TMEM178B: variants seen among roughly 807,000 people sequenced by gnomAD.
The protein encoded by TMEM178B is transmembrane protein 178B.
TMEM178B carries 5 observed loss-of-function variants against 31.0 expected under a neutral mutation model. The observed-to-expected ratio is 0.16, with a 90% confidence interval of 0.08 to 0.34. The LOEUF (loss-of-function observed/expected upper bound fraction) is 0.34, where lower values mean the gene tolerates loss of function less well. Ranked by LOEUF, TMEM178B falls within the 10% of genes least tolerant of loss-of-function variation. TMEM178B has a pLI of 1.00. For synonymous variants in TMEM178B, 164 were observed against 164.0 expected (o/e 1.00, Z 0.00); for missense variants, 275 against 400.3 (o/e 0.69, Z 2.67).
At position 141,375,257 on chromosome 7, in the gene TMEM178B, A is replaced by G. The variant is rs78238274; in HGVS notation, c.497-62351A>G. Among the ~76,000 whole-genome samples, 57 of 152,308 alleles carry G rather than the reference A, an allele frequency of 3.7e-4. No individual in the cohort carries two copies. The East Asian group carries it at 0.01, about 27-fold the overall frequency. On this transcript the variant is annotated intron_variant, in intron 2 of 3. Coordinates refer to ENST00000565468, the MANE Select transcript of TMEM178B (RefSeq NM_001195278.2). ...TATAAACTTGATGGACTCTGACACA[A>G]TGGAAAGGTTTCAGTGTGGTCCATG...
At chr7:141,335,760 C>G (rs994608070) in intron 2 of TMEM178B, among the ~76,000 whole-genome samples, 1 of 152,098 alleles carries the variant, frequency 6.6e-6, no homozygotes, top group African/African-American at 2.4e-5. Flanking sequence ...GGTTGGCATT[C>G]CAGGTGAGAA....
At chr7:141,254,678 G>A (rs527712053) in intron 2 of TMEM178B, among the ~76,000 whole-genome samples, 23 of 152,118 alleles carry the variant, frequency 1.5e-4, no homozygotes, top group South Asian at 4.1e-4. Context: ...CTGAGATGGC[G>A]CCATTTCACT....
At chr7:141,363,855 A>C (rs1475892394) in intron 2 of TMEM178B, among the ~76,000 whole-genome samples, 1 of 152,114 alleles carries the variant, frequency 6.6e-6, no homozygotes, top group Non-Finnish European at 1.5e-5. Flanking sequence ...GCGCCACTGC[A>C]CTTCAGCCTA....
chr7:141,383,517 C>A (rs1197406975), intron 2 of TMEM178B, among the ~76,000 whole-genome samples: 1 of 152,070 alleles, frequency 6.6e-6, no homozygotes, highest in South Asian at 2.1e-4. Flanking sequence ...TGGTTTCCAG[C>A]TTCATTCATG....
intron 2 of TMEM178B, among the ~76,000 whole-genome samples, chr7:141,400,619 G>A (rs1351426663): frequency 2.6e-5 from 4 of 152,168 alleles, no homozygotes; most frequent in South Asian, 2.1e-4. Flanking sequence ...AGTCTTTCAC[G>A]TAATTCTGTC....
At chr7:141,298,774 T>G (rs1009142365) in intron 2 of TMEM178B, among the ~76,000 whole-genome samples, 3 of 152,246 alleles carry the variant, frequency 2.0e-5, no homozygotes, top group Non-Finnish European at 2.9e-5. Flanking sequence ...ATTCCTTATA[T>G]GCACTTGGAC....
At chr7:141,354,101 A>C (rs1799779198) in intron 2 of TMEM178B, among the ~76,000 whole-genome samples, 1 of 152,246 alleles carries the variant, frequency 6.6e-6, no homozygotes, top group African/African-American at 2.4e-5. Context: ...AACTAGCCCA[A>C]ATCCTTAGAG....
intron 2 of TMEM178B, among the ~76,000 whole-genome samples, chr7:141,216,476 G>GCGCGTGT (rs1563120779): frequency 9.7e-6 from 1 of 102,768 alleles, no homozygotes; most frequent in African/African-American, 3.1e-5. Flanking sequence ...TGTGTGTGTG[G>GCGCGTGT]GTGTGTGGTG....
At chr7:141,312,300 C>T (rs1291949695) in intron 2 of TMEM178B, among the ~76,000 whole-genome samples, 1 of 152,188 alleles carries the variant, frequency 6.6e-6, no homozygotes, top group Non-Finnish European at 1.5e-5. Context: ...GCTCTTCTTC[C>T]AGAGTTTTCT....
At chr7:141,337,158 TCACCAC>T (rs1563155389) in intron 2 of TMEM178B, among the ~76,000 whole-genome samples, 1 of 1,306 alleles carries the variant, frequency 7.7e-4, no homozygotes. Context: ...ACCACCACCA[TCACCAC>T]CACCACCACC....
chr7:141,279,866 C>T (rs1396513679), intron 2 of TMEM178B, among the ~76,000 whole-genome samples: 2 of 152,252 alleles, frequency 1.3e-5, no homozygotes, highest in Non-Finnish European at 2.9e-5. Context: ...AAGTTATTCA[C>T]TTCTGGGATC....
At chr7:141,415,517 G>A (rs1334085935) in intron 2 of TMEM178B, 1 of 152,740 alleles carries the variant, frequency 6.5e-6, no homozygotes, top group Non-Finnish European at 1.5e-5. Context: ...ACTATGCCGA[G>A]CTGCCTGGGT....
chr7:141,378,628 GT>G (rs954426238), intron 2 of TMEM178B, among the ~76,000 whole-genome samples: 3 of 152,208 alleles, frequency 2.0e-5, no homozygotes, highest in African/African-American at 7.2e-5. Context: ...CAGAGTCCTT[GT>G]TTAGCCTCTA....
Position 141,474,145 on chromosome 7 carries a change from C to A in TMEM178B, c.*3359C>A, listed in dbSNP as rs1802312203. 6.6e-6 allele frequency: 1 copy of A among 152,198 alleles called. No individual in the cohort carries two copies. Among genetic ancestry groups the A allele is most frequent in the African/African-American group, 2.4e-5 (1 of 41,448 alleles). The allele number at this position is 152,198 out of a possible 1,614,324, so 9.4% of individuals were successfully genotyped here. On this transcript the variant is annotated 3_prime_UTR_variant, in exon 4 of 4. Transcript: ENST00000565468. ...GAGCTCCATGCAAGTCAACCTTGAGCCTGGGGCCCATTGCAACTTTTATTT... is the reference window on the plus strand; with the variant it reads ...GAGCTCCATGCAAGTCAACCTTGAGACTGGGGCCCATTGCAACTTTTATTT...
chr7:141,264,827 T>C (rs528815949), intron 2 of TMEM178B, among the ~76,000 whole-genome samples: 3 of 152,306 alleles, frequency 2.0e-5, no homozygotes, highest in Admixed American at 2.0e-4. Context: ...AGATACCAAG[T>C]TGCATGGGAG....
intron 2 of TMEM178B, among the ~76,000 whole-genome samples, chr7:141,407,566 C>T (rs781034828): frequency 2.2e-4 from 33 of 152,158 alleles, no homozygotes; most frequent in Non-Finnish European, 3.7e-4. Context: ...CCACCCTGAA[C>T]GCTCCCGATC....
chr7:141,134,411 C>A (rs995745204), intron 1 of TMEM178B, among the ~76,000 whole-genome samples: 1 of 152,068 alleles, frequency 6.6e-6, no homozygotes, highest in Non-Finnish European at 1.5e-5. Flanking sequence ...TGAGGACATC[C>A]ATCACCACTA....
intron 1 of TMEM178B, among the ~76,000 whole-genome samples, chr7:141,201,291 G>A (rs1796873468): frequency 6.6e-6 from 1 of 152,126 alleles, no homozygotes; most frequent in Admixed American, 6.5e-5. Flanking sequence ...GGTCTGACTG[G>A]GCACAGGAGT....
intron 1 of TMEM178B, among the ~76,000 whole-genome samples, chr7:141,108,407 G>T (rs950901797): frequency 6.6e-6 from 1 of 152,186 alleles, no homozygotes; most frequent in African/African-American, 2.4e-5. Flanking sequence ...GCATCCAGAA[G>T]GTTCATGGGC....
Sources: allele counts gnomAD v4.1 joint callset (sites outside exome capture counted in the v4.1 genomes callset), GRCh38; gene constraint gnomAD v4.1.1; transcripts MANE v1.5; gene names NCBI Gene and HGNC (gene_info 2026-07-23, HGNC 2026-07-21).